The following STK3 variants were observed in gnomAD, a reference collection of about 807,000 sequenced individuals.
STK3 encodes the protein serine/threonine-protein kinase 3.
A neutral mutation model predicts 58.0 loss-of-function variants in STK3; 41 were observed. The ratio of observed to expected loss-of-function variants is 0.71; its 90% CI spans 0.55 to 0.92. The LOEUF (loss-of-function observed/expected upper bound fraction) is 0.92, where lower values mean the gene tolerates loss of function less well. Among genes scored for constraint, STK3 ranks in the 40% least tolerant of loss-of-function variants. The probability of loss-of-function intolerance (pLI) is 0.00; values close to 1 mark genes in which losing one functional copy is unlikely to be tolerated. For synonymous variants in STK3, 170 were observed against 191.0 expected, an observed-to-expected ratio of 0.89 and a Z score of 0.91; for missense variants, 479 against 602.7, an observed-to-expected ratio of 0.79 and a Z score of 2.15.
At chr8:98,805,371 G>A (rs1226081250) in intron 1 of STK3, among the ~76,000 whole-genome samples, 1 of 152,148 alleles carries the variant, frequency 6.6e-6, no homozygotes, top group Non-Finnish European at 1.5e-5. Flanking sequence ...CTTGAGGTCA[G>A]GAGTTCCAGC....
At chr8:98,924,556 A>G (rs952312428) in intron 1 of STK3, among the ~76,000 whole-genome samples, 1 of 152,206 alleles carries the variant, frequency 6.6e-6, no homozygotes, top group Non-Finnish European at 1.5e-5. Flanking sequence ...TCTTCCCAGG[A>G]TTCTTTAAAT....
chr8:98,479,359 T>G (rs1821640364), intron 10 of STK3, among the ~76,000 whole-genome samples: 1 of 151,756 alleles, frequency 6.6e-6, no homozygotes, highest in African/African-American at 2.4e-5. Context: ...TGGCAGTGGG[T>G]GCCTGTAATC....
intron 1 of STK3, among the ~76,000 whole-genome samples, chr8:98,939,927 G>A (rs1840343629): frequency 6.6e-6 from 1 of 152,224 alleles, no homozygotes; most frequent in South Asian, 2.1e-4. Context: ...CGATGTCATC[G>A]GTAAACCTGG....
intron 3 of STK3, among the ~76,000 whole-genome samples, chr8:98,831,122 A>G (rs763025147): frequency 5.9e-5 from 9 of 152,206 alleles, no homozygotes; most frequent in Admixed American, 2.6e-4. Flanking sequence ...ATGGGAAAGA[A>G]ATCTGCAATT....
chr8:98,457,890 C>G (rs1387256660), intron 10 of STK3, among the ~76,000 whole-genome samples: 1 of 152,110 alleles, frequency 6.6e-6, no homozygotes, highest in Non-Finnish European at 1.5e-5. Flanking sequence ...CAGTAATAGA[C>G]TGAACTCAGA....
intron 3 of STK3, among the ~76,000 whole-genome samples, chr8:98,417,679 T>C (rs1469375098): frequency 6.6e-6 from 1 of 152,118 alleles, no homozygotes; most frequent in South Asian, 2.1e-4. Context: ...TGCCCCACCA[T>C]GTTGTTGTGA....
intron 9 of STK3, among the ~76,000 whole-genome samples, chr8:98,531,894 C>T (rs1243454027): frequency 6.6e-6 from 1 of 152,192 alleles, no homozygotes; most frequent in African/African-American, 2.4e-5. Flanking sequence ...GCTTCCTTAC[C>T]TCTTTCAGCC....
chr8:98,905,708 C>T (rs1312382719), intron 1 of STK3: 7 of 639,262 alleles, frequency 1.1e-5, no homozygotes, highest in Admixed American at 6.9e-5. Flanking sequence ...GCGGAGGTAG[C>T]TCCTGCGTCA....
intron 6 of STK3, among the ~76,000 whole-genome samples, chr8:98,612,342 AAACCAGGAATTC>A (rs893627567): frequency 1.3e-5 from 2 of 150,536 alleles, no homozygotes; most frequent in African/African-American, 4.9e-5. Context: ...GGACTGCTTG[AAACCAGGAATTC>A]AAGACCAGTT....
chr8:98,491,059 AG>A (rs1236058905), intron 10 of STK3, among the ~76,000 whole-genome samples: 1 of 152,190 alleles, frequency 6.6e-6, no homozygotes. Context: ...AGATATATAA[AG>A]AAAAGGCCAA....
intron 9 of STK3, among the ~76,000 whole-genome samples, chr8:98,531,854 C>A (rs1212444043): frequency 6.6e-6 from 1 of 152,214 alleles, no homozygotes; most frequent in African/African-American, 2.4e-5. Flanking sequence ...CATGAACCAA[C>A]CTATGCTAGC....
intron 1 of STK3, among the ~76,000 whole-genome samples, chr8:98,816,567 C>T (rs1357419392): frequency 6.6e-6 from 1 of 151,970 alleles, no homozygotes; most frequent in Non-Finnish European, 1.5e-5. Context: ...GTGTTTCCCT[C>T]TTGTTGCCCA....
chr8:98,538,167 T>C (rs548977926), intron 9 of STK3, among the ~76,000 whole-genome samples: 6 of 152,322 alleles, frequency 3.9e-5, no homozygotes, highest in African/African-American at 1.4e-4. Flanking sequence ...ACCTAATTTG[T>C]TCTTCTAAAA....
In STK3 at chr8:98,428,552, C is replaced by T; in HGVS notation, n.483+5575G>A. 1 of 1,614,214 alleles carries T rather than the reference C, an allele frequency of 6.2e-7. No homozygotes were observed. The highest frequency in any genetic ancestry group is 1.3e-5 in the African/African-American group (1 of 75,060). On this transcript the variant is annotated intron_variant and non_coding_transcript_variant, in intron 3 of 3. Coordinates refer to the STK3 transcript ENST00000517832. The surrounding 1 kb of genome is among the most constrained non-coding windows in gnomAD (Gnocchi z 6.7). ...CAGTGCTGAGCAGGGTCTTCAGCAT[C>T]CTGTCCATCCTGGTGGTGATGGGGT...
At chr8:98,530,262 C>T (rs1290491203) in intron 9 of STK3, among the ~76,000 whole-genome samples, 1 of 152,110 alleles carries the variant, frequency 6.6e-6, no homozygotes, top group Non-Finnish European at 1.5e-5. Context: ...TCATCACCCA[C>T]GTATTAAGCC....
the STK3 span, among the ~76,000 whole-genome samples, chr8:98,350,746 GACTT>G: frequency 6.6e-6 from 1 of 152,180 alleles, no homozygotes; most frequent in Admixed American, 6.5e-5. Context: ...GATCTTGTGA[GACTT>G]AGTCACTACC....
chr8:98,819,919 A>G (rs1313642861), intron 1 of STK3, among the ~76,000 whole-genome samples: 2 of 152,040 alleles, frequency 1.3e-5, no homozygotes, highest in African/African-American at 2.4e-5. Flanking sequence ...ACCCACTTCC[A>G]TTCATAAGCG....
chr8:98,695,295 C>T (rs12677970), intron 6 of STK3, among the ~76,000 whole-genome samples: 152,017 of 152,308 alleles, frequency 1, 75,872 homozygotes, highest in Middle Eastern at 1. Context: ...ATTGTGTAGG[C>T]TGCCTGTTCA....
intron 8 of STK3, among the ~76,000 whole-genome samples, chr8:98,551,360 A>G (rs1169061230): frequency 6.6e-6 from 1 of 152,204 alleles, no homozygotes; most frequent in Non-Finnish European, 1.5e-5. Flanking sequence ...AATGTCTTAG[A>G]GTACCTCTGA....
Sources: gnomAD v4.1 joint callset for allele counts (sites outside exome capture counted in the v4.1 genomes callset) on GRCh38, gnomAD v4.1.1 for gene constraint, Gnocchi (gnomAD v3.1) non-coding constraint, MANE v1.5 for transcripts, NCBI Gene and HGNC (gene_info 2026-07-23, HGNC 2026-07-21) for gene names.